Variants in ASTN2 observed in about 807,000 individuals in gnomAD.
The protein encoded by ASTN2 is astrotactin-2.
ASTN2 carries 54 observed loss-of-function variants against 139.8 expected under a neutral mutation model. The ratio of observed to expected loss-of-function variants is 0.39; its 90% CI spans 0.31 to 0.48. The LOEUF is 0.48. ASTN2 is among the 20% of genes least tolerant of loss of function. ASTN2 has a pLI of 0.95. For missense variants in ASTN2, 1,565 were observed against 1,725.1 expected (o/e 0.91, Z 1.64); for synonymous variants, 756 against 719.5 (o/e 1.05, Z -0.81).
intron 14 of ASTN2, among the ~76,000 whole-genome samples, chr9:116,730,675 C>T (rs1479246418): frequency 6.6e-6 from 1 of 152,214 alleles, no homozygotes; most frequent in Non-Finnish European, 1.5e-5. Context: ...ATGTTCAAAG[C>T]AGACTTGCTG....
At chr9:117,174,133 A>T (rs936123703) in intron 3 of ASTN2, among the ~76,000 whole-genome samples, 5 of 149,244 alleles carry the variant, frequency 3.4e-5, no homozygotes, top group African/African-American at 9.8e-5. Context: ...CTAGATAGAT[A>T]GATAGATAGA....
At chr9:116,601,126 G>C (rs1854875498) in intron 19 of ASTN2, among the ~76,000 whole-genome samples, 1 of 152,188 alleles carries the variant, frequency 6.6e-6, no homozygotes, top group African/African-American at 2.4e-5. Flanking sequence ...TAGTCAACAA[G>C]AGGGCCAAAT....
chr9:117,062,883 T>A (rs1184805507), intron 5 of ASTN2, among the ~76,000 whole-genome samples: 2 of 152,220 alleles, frequency 1.3e-5, no homozygotes, highest in Non-Finnish European at 2.9e-5. Context: ...CATAACCATA[T>A]CAATACGCAG....
chr9:117,254,212 G>C (rs1277441813), intron 2 of ASTN2, among the ~76,000 whole-genome samples: 1 of 152,142 alleles, frequency 6.6e-6, no homozygotes, highest in Admixed American at 6.5e-5. Context: ...ATGTATTGAA[G>C]CACATGGTGA....
At chr9:116,453,580 C>T (rs1203292623) in intron 20 of ASTN2, among the ~76,000 whole-genome samples, 2 of 96,726 alleles carry the variant, frequency 2.1e-5, no homozygotes, top group East Asian at 4.7e-4. Flanking sequence ...GGCAAAAGTG[C>T]GAGACTCCGT....
intron 5 of ASTN2, among the ~76,000 whole-genome samples, chr9:117,090,549 G>C (rs1210248263): frequency 6.6e-6 from 1 of 152,244 alleles, no homozygotes; most frequent in Non-Finnish European, 1.5e-5. Context: ...TGCTGAAAAT[G>C]GGATTTGAGC....
chr9:117,018,310 T>C (rs1837775313), intron 6 of ASTN2, among the ~76,000 whole-genome samples: 1 of 152,180 alleles, frequency 6.6e-6, no homozygotes, highest in African/African-American at 2.4e-5. Flanking sequence ...GGGTCTACCC[T>C]TTTGTATGAG....
chr9:116,642,153 A>AAC (rs1554724616), intron 17 of ASTN2, among the ~76,000 whole-genome samples: 1 of 145,528 alleles, frequency 6.9e-6, no homozygotes, highest in Non-Finnish European at 1.5e-5. Flanking sequence ...AAACAAAAAA[A>AAC]AACAGAATCA....
intron 10 of ASTN2, among the ~76,000 whole-genome samples, chr9:116,922,210 A>G (rs139343715): frequency 8.5e-4 from 129 of 152,238 alleles, no homozygotes; most frequent in South Asian, 4.6e-3. Flanking sequence ...GGCACTTGTT[A>G]TTTTCCCTAA....
At chr9:116,853,781 A>C (rs1265263506) in intron 11 of ASTN2, among the ~76,000 whole-genome samples, 1 of 152,140 alleles carries the variant, frequency 6.6e-6, no homozygotes, top group East Asian at 1.9e-4. Context: ...CCTTCACCCA[A>C]ATCATGAAAC....
chr9:116,862,807 T>TACACACACACACAC (rs751612533), intron 11 of ASTN2, among the ~76,000 whole-genome samples: 56 of 90,918 alleles, frequency 6.2e-4, no homozygotes, highest in African/African-American at 1.8e-3. Context: ...CACACACAAA[T>TACACACACACACAC]ACACACACAC....
chr9:117,306,448 C>T (rs1250069293), intron 1 of ASTN2, among the ~76,000 whole-genome samples: 1 of 152,188 alleles, frequency 6.6e-6, no homozygotes, highest in Non-Finnish European at 1.5e-5. Context: ...CTGCCAGATT[C>T]TGAGTAGCCT....
At chr9:116,899,937 C>G (rs142048583) in intron 10 of ASTN2, among the ~76,000 whole-genome samples, 2 of 152,160 alleles carry the variant, frequency 1.3e-5, no homozygotes, top group African/African-American at 4.8e-5. Context: ...TGGCCCCCAC[C>G]TAGGAACTGA....
At chr9:116,925,511 A>T (rs1431520152) in intron 10 of ASTN2, among the ~76,000 whole-genome samples, 1 of 152,206 alleles carries the variant, frequency 6.6e-6, no homozygotes, top group Non-Finnish European at 1.5e-5. Context: ...AAGGACATGC[A>T]GATGTATGTG....
intron 19 of ASTN2, among the ~76,000 whole-genome samples, chr9:116,589,239 T>G (rs1473625685): frequency 6.6e-6 from 1 of 152,198 alleles, no homozygotes; most frequent in East Asian, 1.9e-4. Flanking sequence ...GTATTACTTT[T>G]AAAAGTGCCA....
chr9:117,246,384 A>C (rs1833383489), intron 2 of ASTN2, among the ~76,000 whole-genome samples: 1 of 152,232 alleles, frequency 6.6e-6, no homozygotes, highest in Admixed American at 6.5e-5. Flanking sequence ...TGCACAGTGC[A>C]AATCCTGGCA....
chr9:117,142,085 T>C (rs1455512895), intron 3 of ASTN2, among the ~76,000 whole-genome samples: 1 of 152,114 alleles, frequency 6.6e-6, no homozygotes, highest in Non-Finnish European at 1.5e-5. Context: ...GCTTGAGCAT[T>C]GGAAAGTAAT....
chr9:116,962,052 G>A (rs892526492), intron 10 of ASTN2, among the ~76,000 whole-genome samples: 1 of 152,206 alleles, frequency 6.6e-6, no homozygotes, highest in African/African-American at 2.4e-5. Flanking sequence ...TAGGATTTGA[G>A]GCAGAGCATT....
In ASTN2 at chr9:116,549,002, G is replaced by A. The variant is rs572286406; in HGVS notation, c.3356-61502C>T. Among the ~76,000 whole-genome samples the A allele has an allele frequency of 9.9e-5, 15 of 152,280 alleles. No individual in the cohort carries two copies. The South Asian group carries it at 3.1e-3, about 32-fold the overall frequency. On this transcript the variant is annotated intron_variant, in intron 19 of 22. Coordinates refer to ENST00000313400, the MANE Select transcript of ASTN2 (RefSeq NM_001365068.1). Reference sequence around the variant, plus strand: ...AAGGAGTAAGAAACAGAGACTTCTAGAAGGAGAAATTCTGATGGGTTTTGG... The same window carrying A: ...AAGGAGTAAGAAACAGAGACTTCTAAAAGGAGAAATTCTGATGGGTTTTGG...
Sources: gnomAD v4.1 joint callset for allele counts (sites outside exome capture counted in the v4.1 genomes callset) on GRCh38, gnomAD v4.1.1 for gene constraint, MANE v1.5 for transcripts, NCBI Gene and HGNC (gene_info 2026-07-23, HGNC 2026-07-21) for gene names.